DBT: variants seen among roughly 807,000 people sequenced by gnomAD.
DBT encodes lipoamide acyltransferase component of branched-chain alpha-keto acid dehydrogenase complex, mitochondrial.
Under a neutral mutation model 51.3 loss-of-function variants are expected in DBT, and 40 were observed. That is an observed-to-expected ratio of 0.78 (90% CI 0.61 to 1.02). The LOEUF is 1.02. DBT is among the 50% of genes least tolerant of loss of function. The pLI, the probability that DBT is intolerant of heterozygous loss-of-function variation, is 0.00. For synonymous variants in DBT, 181 were observed against 190.4 expected (o/e 0.95, Z 0.41); for missense variants, 510 against 580.2 (o/e 0.88, Z 1.24).
At chr1:100,221,255 A>AAGACT (rs1226344276) in intron 4 of DBT, among the ~76,000 whole-genome samples, 2 of 152,182 alleles carry the variant, frequency 1.3e-5, no homozygotes, top group Non-Finnish European at 2.9e-5. Context: ...ATAGTCATGT[A>AAGACT]GTTGTTGGAA....
chr1:100,234,675 T>C (rs1663750199), intron 3 of DBT, among the ~76,000 whole-genome samples: 1 of 152,126 alleles, frequency 6.6e-6, no homozygotes, highest in Non-Finnish European at 1.5e-5. Flanking sequence ...AGCTAATAAG[T>C]TTCCAGGTCA....
intron 1 of DBT, chr1:100,249,129 A>G: frequency 1.0e-6 from 1 of 985,482 alleles, no homozygotes; most frequent in Non-Finnish European, 1.2e-6. Flanking sequence ...CACTAAGCAA[A>G]TAGGGGTAAC....
chr1:100,241,150 A>G (rs538527207), intron 1 of DBT, among the ~76,000 whole-genome samples: 25 of 152,224 alleles, frequency 1.6e-4, no homozygotes, highest in Non-Finnish European at 3.1e-4. Flanking sequence ...TAAAACTACT[A>G]AAGAATTCTA....
intron 4 of DBT, among the ~76,000 whole-genome samples, chr1:100,228,924 T>C (rs539686467): frequency 6.6e-6 from 1 of 152,326 alleles, no homozygotes; most frequent in South Asian, 2.1e-4. Context: ...CACGAATGCA[T>C]TGAGTGTGAT....
intron 7 of DBT, among the ~76,000 whole-genome samples, chr1:100,212,905 T>C (rs536165203): frequency 6.6e-6 from 1 of 152,250 alleles, no homozygotes; most frequent in African/African-American, 2.4e-5. Flanking sequence ...GGCATACAAA[T>C]TATCCTGAAG....
chr1:100,221,436 G>T (rs1165070388), intron 4 of DBT, among the ~76,000 whole-genome samples: 1 of 151,918 alleles, frequency 6.6e-6, no homozygotes, highest in Non-Finnish European at 1.5e-5. Context: ...CTCCTGCCTT[G>T]GCCTCCTTCA....
At chr1:100,223,108 G>T (rs899424389) in intron 4 of DBT, among the ~76,000 whole-genome samples, 1 of 152,134 alleles carries the variant, frequency 6.6e-6, no homozygotes, top group Non-Finnish European at 1.5e-5. Flanking sequence ...AGTGGTGAAT[G>T]TTCATAACAT....
chr1:100,238,842 G>GTCTTCAATGAGGTGAGAGTTGAAGGCA (rs1664052431), intron 2 of DBT, among the ~76,000 whole-genome samples: 2 of 152,264 alleles, frequency 1.3e-5, no homozygotes, highest in South Asian at 4.1e-4. Flanking sequence ...AGATTCACAA[G>GTCTTCAATGAGGTGAGAGTTGAAGGCA]TCTTCAATGA....
intron 4 of DBT, among the ~76,000 whole-genome samples, chr1:100,225,389 G>T (rs1355247109): frequency 6.6e-6 from 1 of 151,878 alleles, no homozygotes; most frequent in Non-Finnish European, 1.5e-5. Flanking sequence ...GATTTATCAT[G>T]TTATAGAGAA....
intron 3 of DBT, among the ~76,000 whole-genome samples, chr1:100,234,164 G>C (rs879243494): frequency 6.6e-6 from 1 of 152,080 alleles, no homozygotes; most frequent in Admixed American, 6.6e-5. Flanking sequence ...ATTCAAGAAA[G>C]CTCTTAATAT....
chr1:100,230,968 A>C (rs914307433), intron 3 of DBT, 54 bp from the exon 4 acceptor site: 7 of 1,072,406 alleles, frequency 6.5e-6, no homozygotes, highest in East Asian at 2.4e-5. Flanking sequence ...AGTACAGATC[A>C]TATTAAGGAT....
At chr1:100,226,449 AT>A (rs997884585) in intron 4 of DBT, among the ~76,000 whole-genome samples, 2 of 150,480 alleles carry the variant, frequency 1.3e-5, no homozygotes, top group South Asian at 2.1e-4. Context: ...ACACCTGGCT[AT>A]TTTTTTTTAT....
chr1:100,243,940 G>A (rs200589081), intron 1 of DBT, among the ~76,000 whole-genome samples: 51 of 136,098 alleles, frequency 3.7e-4, no homozygotes, highest in Non-Finnish European at 2.8e-4. Flanking sequence ...ATAGGTTTAC[G>A]AAAAAAAAAA....
chr1:100,212,548 A>G (rs1662215720), intron 7 of DBT, among the ~76,000 whole-genome samples: 1 of 152,058 alleles, frequency 6.6e-6, no homozygotes, highest in Non-Finnish European at 1.5e-5. Flanking sequence ...AAAAAAAAAA[A>G]GAAGAAAGAA....
chr1:100,209,204 T>G (rs866749221), intron 8 of DBT, among the ~76,000 whole-genome samples: 1 of 151,762 alleles, frequency 6.6e-6, no homozygotes, highest in Non-Finnish European at 1.5e-5. Context: ...TATCATATGA[T>G]TCTCCTGCCT....
At chr1:100,226,350 C>T (rs1317562065) in intron 4 of DBT, among the ~76,000 whole-genome samples, 2 of 142,380 alleles carry the variant, frequency 1.4e-5, no homozygotes, top group East Asian at 4.3e-4. Flanking sequence ...GTGGCATTAA[C>T]ACAGCTCACT....
chr1:100,221,653 T>C (rs1452533045), intron 4 of DBT, among the ~76,000 whole-genome samples: 1 of 152,224 alleles, frequency 6.6e-6, no homozygotes, highest in Non-Finnish European at 1.5e-5. Flanking sequence ...ATGATTGATC[T>C]TCAGTTAGGG....
At chr1:100,233,329 A>AT (rs148817364) in intron 3 of DBT, among the ~76,000 whole-genome samples, 2 of 152,072 alleles carry the variant, frequency 1.3e-5, no homozygotes, top group Admixed American at 6.5e-5. Context: ...AAATTTAAGT[A>AT]TTTTTTTTCT....
chr1:100,214,977 T>A lies in DBT; in HGVS notation c.779A>T (p.Gln260Leu), dbSNP rs1249604756. The A allele has an allele frequency of 6.2e-7, 1 of 1,604,376 alleles. No individual in the cohort carries two copies. Among genetic ancestry groups the A allele is most frequent in the Admixed American group, 1.7e-5 (1 of 59,988 alleles). ...KDKTEPIKGF[Q>L]KAMVKTMSAA... ...AGACATAGTCTTGACCATTGCTTTTTGAAAGCCTGAAAAGCATTAAATTGT... is the reference window on the plus strand; with the variant it reads ...AGACATAGTCTTGACCATTGCTTTTAGAAAGCCTGAAAAGCATTAAATTGT... The change falls in exon 7 of 11, where the codon CAA (glutamine) becomes CTA (leucine). Residue 260 changes from glutamine to leucine, a missense_variant. Gln to Leu is a moderately radical substitution (Grantham distance 113). Coordinates refer to ENST00000370132, the MANE Select transcript of DBT (RefSeq NM_001918.5).
Sources: allele counts gnomAD v4.1 joint callset (sites outside exome capture counted in the v4.1 genomes callset), GRCh38; gene constraint gnomAD v4.1.1; transcripts MANE v1.5; gene names NCBI Gene and HGNC (gene_info 2026-07-23, HGNC 2026-07-21).